REXO1: variants seen among roughly 807,000 people sequenced by gnomAD.
The protein encoded by REXO1 is REX1, RNA exonuclease 1 homolog.
A neutral mutation model predicts 102.6 loss-of-function variants in REXO1; 42 were observed. The ratio of observed to expected loss-of-function variants is 0.41; its 90% CI spans 0.32 to 0.53. The LOEUF (loss-of-function observed/expected upper bound fraction) is 0.53. Among genes scored for constraint, REXO1 ranks in the 20% least tolerant of loss-of-function variants. REXO1 has a pLI of 0.27. For missense variants in REXO1, 1,819 were observed against 1,732.5 expected (o/e 1.05, Z -0.89); for synonymous variants, 908 against 779.1 (o/e 1.17, Z -2.76).
At position 1,815,502 on chromosome 19, in the gene REXO1, G is replaced by A. The variant is rs919388402; in HGVS notation, c.*564C>T. 29 of 215,176 alleles carry A rather than the reference G, an allele frequency of 1.3e-4. No individual in the cohort carries two copies. Among genetic ancestry groups the A allele is most frequent in the African/African-American group, 3.1e-4 (13 of 42,250 alleles). 13.3% of individuals were successfully genotyped at this position (215,176 alleles called of 1,614,324 possible). A position where few individuals can be genotyped will look rare whatever the true frequency, so the allele number is the denominator to read the frequency against. On this transcript the variant is annotated 3_prime_UTR_variant, in exon 16 of 16. Coordinates refer to ENST00000170168, the MANE Select transcript of REXO1 (RefSeq NM_020695.4). The surrounding 1 kb of genome is among the most constrained non-coding windows in gnomAD (Gnocchi z 4.0). ...CGGCCAGCCCCTGGAGCACAGAGGC[G>A]GGTCCAGCCCACACTGCGCTGAGTG... is the stretch of plus-strand genomic sequence containing the variant.
At chr19:1,847,084 G>T (rs1018675194) in intron 1 of REXO1, among the ~76,000 whole-genome samples, 1 of 152,166 alleles carries the variant, frequency 6.6e-6, no homozygotes, top group South Asian at 2.1e-4. Context: ...AGCCGGCATC[G>T]TACGCAGCTC....
intron 8 of REXO1, 55 bp from the exon 9 acceptor site, chr19:1,818,898 A>G: frequency 6.3e-7 from 1 of 1,593,552 alleles, no homozygotes; most frequent in Non-Finnish European, 8.5e-7. Flanking sequence ...GGGGCGGTAG[A>G]CACCACCGGG....
chr19:1,816,911 G>A (rs1237473811), intron 12 of REXO1, 98 bp from the exon 13 acceptor site: 2 of 925,914 alleles, frequency 2.2e-6, no homozygotes, highest in Non-Finnish European at 3.4e-6. Context: ...TCCAGGCAGA[G>A]GCAGTGACCA....
At chr19:1,825,980 C>T (rs1252327528) in intron 2 of REXO1, 37 bp from the exon 3 acceptor site, 2 of 1,486,910 alleles carry the variant, frequency 1.3e-6, no homozygotes, top group Non-Finnish European at 1.9e-6. Context: ...CAGGTCTGCC[C>T]TCGCTGCCAA....
Position 1,828,012 on chromosome 19 carries a change from G to C in REXO1, c.777C>G (p.Pro259=), listed in dbSNP as rs755890719. ...AGGGCTCACTGCCGCGGGAGCCCCG[G>C]GGCCGCTTGGCGGCCCGCTCATCCC... ...SSRDERAAKR[P]RGSRGSEPYT... is the part of the protein sequence containing the mutation. Residue 259 remains proline (P), a synonymous_variant, in exon 2 of 16, where the codon CCC becomes CCG. Coordinates refer to ENST00000170168, the MANE Select transcript of REXO1 (RefSeq NM_020695.4). 11 of 1,612,678 alleles carry C rather than the reference G, an allele frequency of 6.8e-6. No homozygotes were observed. In the South Asian group the frequency reaches 1.2e-4, roughly 18 times the overall value.
chr19:1,828,493 C>A lies in REXO1; in HGVS notation c.296G>T (p.Arg99Leu), dbSNP rs767880392. Residue 99 changes from arginine to leucine, a missense_variant, in exon 2 of 16, where the codon CGC becomes CTC. Physicochemically the swap from Arg to Leu is moderately radical, Grantham distance 102. Coordinates refer to ENST00000170168, the MANE Select transcript of REXO1 (RefSeq NM_020695.4). ...CCGCTGCTCCAGCTCCACCTCACTG[C>A]GCACGGCCTCGATGGCCTGGTTGAC... is the stretch of plus-strand genomic sequence containing the variant. ...ELVNQAIEAV[R>L]SEVELEQRRY... The A allele has an allele frequency of 1.7e-5, 27 of 1,605,148 alleles. No individual in the cohort carries two copies. Among genetic ancestry groups the A allele is most frequent in the Non-Finnish European group, 1.9e-5 (23 of 1,179,828 alleles).
chr19:1,827,268 G>C lies in REXO1; in HGVS notation c.1521C>G (p.Asp507Glu). ...GGGCCCGCTTCTTCAGCTTGGGGGC[G>C]TCCTGGGAGGCGCCCTCGTCTAGTG... is the stretch of plus-strand genomic sequence containing the variant. ...ARSLDEGASQ[D>E]APKLKKRALS... The change falls in exon 2 of 16, where the codon GAC (aspartate) becomes GAG (glutamate). Residue 507 changes from aspartate (D) to glutamate (E), a missense_variant. Physicochemically the swap from Asp to Glu is conservative, Grantham distance 45 (BLOSUM62 2). Transcript: ENST00000170168. 1 of 1,560,464 alleles carries C rather than the reference G, an allele frequency of 6.4e-7. No homozygotes were observed. The highest frequency in any genetic ancestry group is 1.9e-5 in the Admixed American group (1 of 53,506).
rs1277751036 is a variant in REXO1 at position 1,826,526 on chromosome 19, G to A, written c.1911+352C>T. Among the ~76,000 whole-genome samples, 2 of 150,532 alleles carry A rather than the reference G, an allele frequency of 1.3e-5. No individual in the cohort carries two copies. Among genetic ancestry groups the A allele is most frequent in the East Asian group, 4.0e-4 (2 of 5,026 alleles). On this transcript the variant is annotated intron_variant, in intron 2 of 15. Coordinates refer to ENST00000170168, the MANE Select transcript of REXO1 (RefSeq NM_020695.4). This position sits in a 1 kb window ranked among gnomAD's most constrained non-coding sequence, Gnocchi z 4.3. ...AGGGGGAAGGGAGGAAAGGGGAGGCGAGGGGAGAGGGGCTAGAAGGGTGTG... is the reference window on the plus strand; with the variant it reads ...AGGGGGAAGGGAGGAAAGGGGAGGCAAGGGGAGAGGGGCTAGAAGGGTGTG...
At chr19:1,835,665 G>A (rs1363475834) in intron 1 of REXO1, among the ~76,000 whole-genome samples, 1 of 152,052 alleles carries the variant, frequency 6.6e-6, no homozygotes, top group Non-Finnish European at 1.5e-5. Context: ...GGAGCAGGTG[G>A]GCTCCTTCCT....
chr19:1,824,057 CG>C, intron 3 of REXO1: 2 of 369,952 alleles, frequency 5.4e-6, no homozygotes. Flanking sequence ...GGGACTACCC[CG>C]ATTACACTGG....
At chr19:1,822,295 G>A (rs1309233806) in intron 4 of REXO1, 1 of 168,654 alleles carries the variant, frequency 5.9e-6, no homozygotes, top group Admixed American at 6.4e-5. Context: ...AATGCCATCT[G>A]GCCCTGGAAG....
intron 1 of REXO1, among the ~76,000 whole-genome samples, chr19:1,839,870 G>A (rs2011209937): frequency 6.6e-6 from 1 of 152,200 alleles, no homozygotes; most frequent in Non-Finnish European, 1.5e-5. Flanking sequence ...CTCCTCGGCC[G>A]TGGTGCACGG....
intron 1 of REXO1, among the ~76,000 whole-genome samples, chr19:1,840,913 C>T (rs2011244928): frequency 6.6e-6 from 1 of 152,198 alleles, no homozygotes; most frequent in South Asian, 2.1e-4. Flanking sequence ...ACAGCTCGTC[C>T]CGAGTCCTCC....
At chr19:1,816,910 A>G (rs2069383655) in intron 12 of REXO1, 97 bp from the exon 13 acceptor site, 2 of 931,378 alleles carry the variant, frequency 2.1e-6, no homozygotes, top group Admixed American at 4.2e-5. Context: ...CTCCAGGCAG[A>G]GGCAGTGACC....
chr19:1,821,238 A>G (rs1235067001), intron 5 of REXO1, among the ~76,000 whole-genome samples: 1 of 151,828 alleles, frequency 6.6e-6, no homozygotes, highest in East Asian at 1.9e-4. Context: ...CCAGCTACTC[A>G]GGAGGCTGAG....
chr19:1,820,819 CCT>C (rs997650027), intron 5 of REXO1, among the ~76,000 whole-genome samples: 1 of 151,470 alleles, frequency 6.6e-6, no homozygotes, highest in Non-Finnish European at 1.5e-5. Context: ...GTGGCAAAAC[CCT>C]GTCTCTACAA....
chr19:1,819,122 C>T lies in REXO1; in HGVS notation c.2660G>A (p.Gly887Asp), dbSNP rs2069457666. The T allele has an allele frequency of 1.3e-6, 2 of 1,572,224 alleles. No homozygotes were observed. The highest frequency in any genetic ancestry group is 1.4e-5 in the African/African-American group (1 of 73,866). The part of the protein sequence containing the change: ...SAVPGLSKTS[G>D]RRVVSHEVVL... ...CACCTCGTGGGACACAACCCTGCGGCCACTGGTTTCTGGAAGGAAGGGAGG... is the reference window on the plus strand; with the variant it reads ...CACCTCGTGGGACACAACCCTGCGGTCACTGGTTTCTGGAAGGAAGGGAGG... Residue 887 changes from glycine to aspartate, a missense_variant, in exon 8 of 16, where the codon GGC becomes GAC. Gly to Asp is a moderately conservative substitution (Grantham distance 94, BLOSUM62 -1). Coordinates refer to ENST00000170168, the MANE Select transcript of REXO1 (RefSeq NM_020695.4).
chr19:1,819,434 G>A (rs1346801674), intron 7 of REXO1, among the ~76,000 whole-genome samples: 2 of 150,588 alleles, frequency 1.3e-5, no homozygotes, highest in Non-Finnish European at 2.9e-5. Flanking sequence ...CAGCACGGGG[G>A]ATCTAATGGC....
chr19:1,832,015 G>A (rs897428887), intron 1 of REXO1, among the ~76,000 whole-genome samples: 1 of 151,888 alleles, frequency 6.6e-6, no homozygotes, highest in African/African-American at 2.4e-5. Flanking sequence ...TCAGCCAATA[G>A]ACTGCAGGTG....
Sources: gnomAD v4.1 joint callset for allele counts (sites outside exome capture counted in the v4.1 genomes callset) on GRCh38, gnomAD v4.1.1 for gene constraint, Gnocchi (gnomAD v3.1) non-coding constraint, MANE v1.5 for transcripts, NCBI Gene and HGNC (gene_info 2026-07-23, HGNC 2026-07-21) for gene names.